Variants in TXNDC17 observed in about 807,000 individuals in gnomAD.
TXNDC17 encodes thioredoxin domain-containing protein 17.
Under a neutral mutation model 16.3 loss-of-function variants are expected in TXNDC17, and 12 were observed. The observed-to-expected ratio is 0.74, with a 90% CI of 0.47 to 1.19. TXNDC17 has a LOEUF of 1.19. Among genes scored for constraint, TXNDC17 ranks in the 50% most tolerant of loss-of-function variants. TXNDC17 has a pLI of 0.00. For missense variants in TXNDC17, 158 were observed against 149.7 expected (o/e 1.06, Z -0.29); for synonymous variants, 62 against 55.0 (o/e 1.13, Z -0.56).
intron 2 of TXNDC17, 23 bp from the exon 3 acceptor site, chr17:6,642,223 CATG>C: frequency 6.5e-7 from 1 of 1,539,536 alleles, no homozygotes; most frequent in South Asian, 1.2e-5. Context: ...AAATTTTTTT[CATG>C]ATCACTTTTT....
chr17:6,642,169 T>G, intron 2 of TXNDC17, 80 bp from the exon 3 acceptor site: 2 of 997,568 alleles, frequency 2.0e-6, no homozygotes, highest in Non-Finnish European at 3.1e-6. Flanking sequence ...AAAAATTAAA[T>G]GTAGGACTAT....
rs748940050 is a variant in TXNDC17 at position 6,643,039 on chromosome 17, T to C, written c.*20T>C. 1 of 1,601,230 alleles carries C rather than the reference T, an allele frequency of 6.2e-7. No homozygotes were observed. The highest frequency in any genetic ancestry group is 8.6e-7 in the Non-Finnish European group (1 of 1,168,510). ...GATTAAGATTTTAGGATGGCAATCA[T>C]GTCTTGATGTCCTGATTTGTTCTAG... On this transcript the variant is annotated 3_prime_UTR_variant, in exon 4 of 4. Coordinates refer to ENST00000250101, the MANE Select transcript of TXNDC17 (RefSeq NM_032731.4).
intron 2 of TXNDC17, 145 bp from the exon 3 acceptor site, chr17:6,642,104 G>T: frequency 3.0e-6 from 2 of 675,574 alleles, no homozygotes; most frequent in South Asian, 3.9e-5. Flanking sequence ...GTAATTAGTA[G>T]ATTAAGCCAT....
intron 1 of TXNDC17, 141 bp from the exon 2 acceptor site, chr17:6,641,612 G>A (rs1972669733): frequency 1.2e-6 from 1 of 816,802 alleles, no homozygotes; most frequent in African/African-American, 1.7e-5. Context: ...GGGAACACCT[G>A]ACTTGTGTTG....
Position 6,641,704 on chromosome 17 carries a change from C to A in TXNDC17, c.146-49C>A, listed in dbSNP as rs767282093. ...GGGAAAGAACACAGTTTATACGTGC[C>A]TGATTGTAGAGTTGACGTGCGATTA... On this transcript the variant is annotated intron_variant, in intron 1 of 3. Coordinates refer to ENST00000250101, the MANE Select transcript of TXNDC17 (RefSeq NM_032731.4). The A allele has an allele frequency of 3.8e-6, 6 of 1,567,066 alleles. No individual in the cohort carries two copies. The African/African-American group carries it at 6.8e-5, about 18-fold the overall frequency.
chr17:6,642,655 T>G (rs1597630085), intron 3 of TXNDC17: 2 of 459,348 alleles, frequency 4.4e-6, no homozygotes, highest in Non-Finnish European at 7.7e-6. Context: ...GTCATGCCCC[T>G]GGGATCCTAA....
rs775745043 is a variant in TXNDC17, at chr17:6,641,191, G to T, written c.109G>T (p.Ala37Ser). The T allele has an allele frequency of 1.3e-5, 21 of 1,613,512 alleles. No individual in the cohort carries two copies. Among genetic ancestry groups the T allele is most frequent in the Non-Finnish European group, 1.7e-5 (20 of 1,180,022 alleles). Residue 37 changes from alanine (A) to serine (S), a missense_variant, in exon 1 of 4, where the codon GCC becomes TCC. By Grantham distance (99) the Ala-to-Ser change is moderately conservative. Coordinates refer to ENST00000250101, the MANE Select transcript of TXNDC17 (RefSeq NM_032731.4). ...CGCCTACTTTACGGGTTCTAAGGACGCCGGGGGGAAAAGCTGGTGCCCCGA... is the reference window on the plus strand; with the variant it reads ...CGCCTACTTTACGGGTTCTAAGGACTCCGGGGGGAAAAGCTGGTGCCCCGA... ...IFAYFTGSKD[A>S]GGKSWCPDCV...
chr17:6,643,289 G>C lies in TXNDC17; in HGVS notation c.*270G>C, dbSNP rs1972719337. The C allele has an allele frequency of 1.2e-5, 4 of 324,600 alleles. No homozygotes were observed. In the Admixed American group the frequency reaches 1.9e-4, roughly 15 times the overall value. 20.1% of individuals were successfully genotyped at this position (324,600 alleles called of 1,614,324 possible). ...ACGGAAATACCTAAAAACTCCTAAA[G>C]GTGCAGAGCACACCTTCCAAATCTC... On this transcript the variant is annotated 3_prime_UTR_variant, in exon 4 of 4. Coordinates refer to ENST00000250101, the MANE Select transcript of TXNDC17 (RefSeq NM_032731.4).
intron 1 of TXNDC17, 158 bp from the exon 2 acceptor site, chr17:6,641,595 A>C: frequency 1.3e-6 from 1 of 754,708 alleles, no homozygotes; most frequent in Admixed American, 2.2e-5. Flanking sequence ...TGGCTCTAAG[A>C]CCAGAAGGGA....
In TXNDC17 at chr17:6,644,319, A is replaced by G. The variant is rs986178273; in HGVS notation, c.*1300A>G. 1.1e-5 allele frequency: 9 copies of G among 834,814 alleles called. No homozygotes were observed. The highest frequency in any genetic ancestry group is 1.4e-5 in the Non-Finnish European group (8 of 586,948). 51.7% of individuals were successfully genotyped at this position (834,814 alleles called of 1,614,324 possible). ...GTTTAACAGAAATAGTCTATTAACA[A>G]TAAAAAGTTGGATGAAAAAGCACAC... On this transcript the variant is annotated 3_prime_UTR_variant, in exon 4 of 4. Transcript: ENST00000250101.
Position 6,641,214 on chromosome 17 carries a change from C to T in TXNDC17, c.132C>T (p.Pro44=). The T allele has an allele frequency of 1.9e-6, 3 of 1,613,436 alleles. No individual in the cohort carries two copies. The highest frequency in any genetic ancestry group is 2.5e-6 in the Non-Finnish European group (3 of 1,179,980). The change falls in exon 1 of 4, where the codon CCC becomes CCT. Residue 44 remains proline (P), a synonymous_variant. Coordinates refer to ENST00000250101, the MANE Select transcript of TXNDC17 (RefSeq NM_032731.4). ...ACGCCGGGGGGAAAAGCTGGTGCCC[C>T]GACTGCGTGCAGGGTGAGGCCGGGA... ...SKDAGGKSWC[P]DCVQAEPVVR...
intron 1 of TXNDC17, 165 bp from the exon 2 acceptor site, chr17:6,641,588 C>T (rs903189675): frequency 2.1e-4 from 153 of 723,848 alleles, no homozygotes; most frequent in Non-Finnish European, 2.6e-5. Flanking sequence ...CTTAACGTGG[C>T]TCTAAGACCA....
rs1246597359 is a variant in TXNDC17, at chr17:6,643,989, TG to T, written c.*971del. On this transcript the variant is annotated 3_prime_UTR_variant, in exon 4 of 4. Transcript: ENST00000250101. ...GTCCTGCAGAATTCAAGAACCTTTA[TG>T]CAGTTCCTGTCCTATGATTTAAAGA... 5.0e-6 allele frequency: 2 copies of T among 398,228 alleles called. No homozygotes were observed. The highest frequency in any genetic ancestry group is 4.1e-5 in the African/African-American group (2 of 48,646). The allele number at this position is 398,228 out of a possible 1,614,324, so 24.7% of individuals were successfully genotyped here.
rs1187101247 is a variant in TXNDC17 at position 6,642,946 on chromosome 17, T to C, written c.304-5T>C. On this transcript the variant is annotated splice_region_variant and splice_polypyrimidine_tract_variant and intron_variant, in intron 3 of 3. Coordinates refer to ENST00000250101, the MANE Select transcript of TXNDC17 (RefSeq NM_032731.4). ...AGTGAAGATTTGACTGTTTTTCTCT[T>C]ACAGCCTCAAAAACTGGTAGAATCT... The C allele has an allele frequency of 1.4e-5, 22 of 1,612,154 alleles. No individual in the cohort carries two copies. Among genetic ancestry groups the C allele is most frequent in the Non-Finnish European group, 1.7e-5 (20 of 1,178,486 alleles).
chr17:6,641,124 G>T lies in TXNDC17; in HGVS notation c.42G>T (p.Glu14Asp). The T allele has an allele frequency of 6.2e-7, 1 of 1,613,692 alleles. No individual in the cohort carries two copies. The highest frequency in any genetic ancestry group is 2.2e-5 in the East Asian group (1 of 44,878). Residue 14 changes from glutamate to aspartate, a missense_variant, in exon 1 of 4, where the codon GAG becomes GAT. By Grantham distance (45) the Glu-to-Asp change is conservative (BLOSUM62 2). Transcript: ENST00000250101. Reference protein sequence around the residue: ...YEEVSVSGFEEFHRAVEQHNG... With the variant: ...YEEVSVSGFEDFHRAVEQHNG... ...AGGTGAGCGTGTCCGGCTTCGAGGA[G>T]TTCCACCGGGCCGTGGAACAGCACA...
chr17:6,644,444 G>A lies in TXNDC17; in HGVS notation c.*1425G>A. The A allele has an allele frequency of 6.4e-7, 1 of 1,567,234 alleles. No individual in the cohort carries two copies. Among genetic ancestry groups the A allele is most frequent in the Non-Finnish European group, 8.6e-7 (1 of 1,159,762 alleles). On this transcript the variant is annotated 3_prime_UTR_variant, in exon 4 of 4. Coordinates refer to ENST00000250101, the MANE Select transcript of TXNDC17 (RefSeq NM_032731.4). ...GAAATACATTATATACATGTATTAA[G>A]TGCCTCGTTTGTATCCAGTTTTTCA... is the stretch of plus-strand genomic sequence containing the variant.
At position 6,644,310 on chromosome 17, in the gene TXNDC17, C is replaced by A; in HGVS notation, c.*1291C>A. The A allele has an allele frequency of 1.3e-6, 1 of 752,186 alleles. No homozygotes were observed. Among genetic ancestry groups the A allele is most frequent in the South Asian group, 3.1e-5 (1 of 32,518 alleles). The allele number at this position is 752,186 out of a possible 1,614,324, so 46.6% of individuals were successfully genotyped here. ...ACAATTCAGGTTTAACAGAAATAGT[C>A]TATTAACAATAAAAAGTTGGATGAA... On this transcript the variant is annotated 3_prime_UTR_variant, in exon 4 of 4. Transcript: ENST00000250101.
rs1227349869 is a variant in TXNDC17, at chr17:6,641,207, G to A, written c.125G>A (p.Trp42Ter). The part of the protein sequence containing the change: ...TGSKDAGGKS[W>*]CPDCVQAEPV... ...TCTAAGGACGCCGGGGGGAAAAGCT[G>A]GTGCCCCGACTGCGTGCAGGGTGAG... The change falls in exon 1 of 4, where the codon TGG becomes TAG. Residue 42 changes from tryptophan to a stop codon, truncating the protein, a stop_gained. Coordinates refer to ENST00000250101, the MANE Select transcript of TXNDC17 (RefSeq NM_032731.4). LOFTEE classifies it high-confidence loss of function. 2 of 1,613,568 alleles carry A rather than the reference G, an allele frequency of 1.2e-6. No homozygotes were observed. Among genetic ancestry groups the A allele is most frequent in the Admixed American group, 3.3e-5 (2 of 60,030 alleles).
In TXNDC17 at chr17:6,644,331, A is replaced by C. The variant is rs192703930; in HGVS notation, c.*1312A>C. On this transcript the variant is annotated 3_prime_UTR_variant, in exon 4 of 4. Transcript: ENST00000250101. ...TAGTCTATTAACAATAAAAAGTTGG[A>C]TGAAAAAGCACACTAAAGGTTCTAG... 1.0e-6 allele frequency: 1 copy of C among 966,092 alleles called. No homozygotes were observed. Among genetic ancestry groups the C allele is most frequent in the Non-Finnish European group, 1.4e-6 (1 of 706,084 alleles). The allele number at this position is 966,092 out of a possible 1,614,324, so 59.8% of individuals were successfully genotyped here.
Sources: gnomAD v4.1 joint callset for allele counts on GRCh38, gnomAD v4.1.1 for gene constraint, MANE v1.5 for transcripts, NCBI Gene and HGNC (gene_info 2026-07-23, HGNC 2026-07-21) for gene names.